The following SMPD3 variants were observed in gnomAD, a reference collection of about 807,000 sequenced individuals.
SMPD3 encodes the protein nSMase-2.
A neutral mutation model predicts 55.7 loss-of-function variants in SMPD3; 21 were observed. That is an observed-to-expected ratio of 0.38 (90% CI 0.27 to 0.54). SMPD3 has a LOEUF of 0.54. Ranked by LOEUF, SMPD3 falls within the 20% of genes least tolerant of loss-of-function variation. The pLI, the probability that SMPD3 is intolerant of heterozygous loss-of-function variation, is 0.80. For synonymous variants in SMPD3, 457 were observed against 404.3 expected, an observed-to-expected ratio of 1.13 and a Z score of -1.56; for missense variants, 842 against 899.6, an observed-to-expected ratio of 0.94 and a Z score of 0.82.
rs894769207 is a variant in SMPD3 at position 68,447,105 on chromosome 16, C to G, written c.-269+1248G>C. Among the ~76,000 whole-genome samples, 2 of 151,912 alleles carry G rather than the reference C, an allele frequency of 1.3e-5. No homozygotes were observed. The highest frequency in any genetic ancestry group is 2.9e-5 in the Non-Finnish European group (2 of 67,932). ...AGCCCCCCCTCCGCGGCCGCGCCCCCCGCCCAGCCCGCGGCGCAGGCCTGC... is the reference window on the plus strand; with the variant it reads ...AGCCCCCCCTCCGCGGCCGCGCCCCGCGCCCAGCCCGCGGCGCAGGCCTGC... On this transcript the variant is annotated intron_variant, in intron 1 of 8. Transcript: ENST00000219334. This position sits in a 1 kb window ranked among gnomAD's most constrained non-coding sequence, Gnocchi z 5.1.
In SMPD3 at chr16:68,426,621, A is replaced by G. The variant is rs576141907; in HGVS notation, c.-269+21732T>C. On this transcript the variant is annotated intron_variant, in intron 1 of 8. Coordinates refer to ENST00000219334, the MANE Select transcript of SMPD3 (RefSeq NM_018667.4). ...AAAAGCTCTTAACAATTGATTTAAA[A>G]TCAATATGGTGTGGAAATAGCACCC... Among the ~76,000 whole-genome samples, 6 of 152,314 alleles carry G rather than the reference A, an allele frequency of 3.9e-5. No individual in the cohort carries two copies. In the South Asian group the frequency reaches 1.2e-3, roughly 32 times the overall value.
rs544454671 is a variant in SMPD3 at position 68,439,341 on chromosome 16, C to T, written c.-269+9012G>A. Among the ~76,000 whole-genome samples, 20 of 152,370 alleles carry T rather than the reference C, an allele frequency of 1.3e-4. No individual in the cohort carries two copies. The South Asian group carries it at 2.9e-3, about 22-fold the overall frequency. On this transcript the variant is annotated intron_variant, in intron 1 of 8. Coordinates refer to ENST00000219334, the MANE Select transcript of SMPD3 (RefSeq NM_018667.4). The stretch of plus-strand genomic sequence containing the variant: ...TATGAGCATCTCTCCTCTCCCCAGC[C>T]AGACCCTGGTCTCCTCCTGGGGAAG...
Position 68,361,764 on chromosome 16 carries a change from C to T in SMPD3, c.1710-5G>A, listed in dbSNP as rs936181761. ...CCCTCCTCACTCTCCAGGACCCTGT[C>T]CACACATGCAGGAGGCAGGTGGGCC... On this transcript the variant is annotated splice_region_variant and splice_polypyrimidine_tract_variant and intron_variant, in intron 7 of 8. Transcript: ENST00000219334. The T allele has an allele frequency of 1.9e-6, 3 of 1,611,768 alleles. No homozygotes were observed.
At chr16:68,434,820 T>C (rs2090508753) in intron 1 of SMPD3, among the ~76,000 whole-genome samples, 1 of 152,238 alleles carries the variant, frequency 6.6e-6, no homozygotes, top group African/African-American at 2.4e-5. Context: ...GCAGCTCTGC[T>C]TATCTCAGCT....
chr16:68,438,432 T>G (rs937480551), intron 1 of SMPD3, among the ~76,000 whole-genome samples: 12 of 152,220 alleles, frequency 7.9e-5, no homozygotes, highest in Non-Finnish European at 1.5e-4. Flanking sequence ...TTTGAGACAC[T>G]TGGTGAGCAC....
At chr16:68,439,520 A>G (rs1182527796) in intron 1 of SMPD3, among the ~76,000 whole-genome samples, 1 of 152,220 alleles carries the variant, frequency 6.6e-6, no homozygotes, top group Non-Finnish European at 1.5e-5. Flanking sequence ...GGGCCTCCCA[A>G]CAGAACCAGA....
chr16:68,391,956 A>T (rs2090114929), intron 1 of SMPD3, among the ~76,000 whole-genome samples: 1 of 152,150 alleles, frequency 6.6e-6, no homozygotes, highest in African/African-American at 2.4e-5. Flanking sequence ...CAGTGGTGCC[A>T]TCTTGGCTCA....
At chr16:68,406,078 T>C (rs915960522) in intron 1 of SMPD3, among the ~76,000 whole-genome samples, 2 of 152,208 alleles carry the variant, frequency 1.3e-5, no homozygotes, top group African/African-American at 4.8e-5. Flanking sequence ...AATGGTCTGA[T>C]GCTACAGCCT....
intron 1 of SMPD3, among the ~76,000 whole-genome samples, chr16:68,400,411 A>G (rs1442579100): frequency 6.6e-6 from 1 of 152,170 alleles, no homozygotes; most frequent in Non-Finnish European, 1.5e-5. Flanking sequence ...ATCCCAGGAA[A>G]TGGACCTAAC....
chr16:68,384,757 G>A (rs930980502), intron 2 of SMPD3, among the ~76,000 whole-genome samples: 4 of 146,934 alleles, frequency 2.7e-5, no homozygotes, highest in African/African-American at 7.5e-5. Context: ...CACTCCCCCC[G>A]CAAGCACTCA....
intron 1 of SMPD3, among the ~76,000 whole-genome samples, chr16:68,427,757 G>GGA (rs1555596591): frequency 1.3e-5 from 2 of 151,832 alleles, no homozygotes; most frequent in Admixed American, 1.3e-4. Context: ...ATGACTGGGG[G>GGA]GGGGTGCTGA....
At chr16:68,366,730 C>G (rs4783555) in intron 3 of SMPD3, among the ~76,000 whole-genome samples, 3 of 152,184 alleles carry the variant, frequency 2.0e-5, no homozygotes, top group African/African-American at 7.2e-5. Flanking sequence ...GCCGGGTGTG[C>G]TGGGCACAGT....
At chr16:68,399,470 G>A (rs1193294696) in intron 1 of SMPD3, among the ~76,000 whole-genome samples, 1 of 152,134 alleles carries the variant, frequency 6.6e-6, no homozygotes, top group Non-Finnish European at 1.5e-5. Context: ...CTGTCCCCAC[G>A]CCCCCAGTAC....
At chr16:68,409,728 G>C (rs527253440) in intron 1 of SMPD3, among the ~76,000 whole-genome samples, 4 of 152,278 alleles carry the variant, frequency 2.6e-5, no homozygotes, top group South Asian at 2.1e-4. Context: ...CGAGTAGCTG[G>C]GACTATAGGC....
intron 5 of SMPD3, chr16:68,364,382 C>G (rs1000463006): frequency 4.0e-6 from 1 of 250,914 alleles, no homozygotes; most frequent in African/African-American, 2.3e-5. Context: ...CAATGCTTCC[C>G]TCTCAGGGTT....
In SMPD3 at chr16:68,370,958, G is replaced by C; in HGVS notation, c.1224C>G (p.Leu408=). Residue 408 remains leucine, a synonymous_variant, in exon 3 of 9, where the codon CTC becomes CTG. Transcript: ENST00000219334. ...CCATGATGGGGTAGCGGCTGGCAAA[G>C]AGGAGGCCGCTGTTGAGACACTTGA... The part of the protein sequence containing the change: ...CSFKCLNSGL[L]FASRYPIMDV... The C allele has an allele frequency of 6.2e-7, 1 of 1,614,034 alleles. No homozygotes were observed. The highest frequency in any genetic ancestry group is 1.7e-4 in the Middle Eastern group (1 of 6,060).
At position 68,441,722 on chromosome 16, in the gene SMPD3, A is replaced by G. The variant is rs536527531; in HGVS notation, c.-269+6631T>C. ...TATAGACAGACATTCTACTTTTCCT[A>G]TTTTTTTCTATTATTTGTTTCTATT... is the stretch of plus-strand genomic sequence containing the variant. On this transcript the variant is annotated intron_variant, in intron 1 of 8. Transcript: ENST00000219334. 1.5e-4 allele frequency among the ~76,000 whole-genome samples: 23 copies of G among 151,942 alleles called. 1 individual carries two copies. The South Asian group carries it at 3.7e-3, about 25-fold the overall frequency.
At position 68,371,100 on chromosome 16, in the gene SMPD3, C is replaced by T; in HGVS notation, c.1082G>A (p.Cys361Tyr). ...TCGCTTGTCAAACACCTCCTGCAGG[C>T]ACAGGAAGTCCAGGTTGGCGGGGAA... ...AFFPANLDFL[C>Y]LQEVFDKRAA... The change falls in exon 3 of 9, where the codon TGC (cysteine) becomes TAC (tyrosine). Residue 361 changes from cysteine to tyrosine, a missense_variant. Transcript: ENST00000219334. 1 of 1,614,166 alleles carries T rather than the reference C, an allele frequency of 6.2e-7. No homozygotes were observed. Among genetic ancestry groups the T allele is most frequent in the Non-Finnish European group, 8.5e-7 (1 of 1,180,042 alleles).
chr16:68,418,109 C>T (rs984115520), intron 1 of SMPD3, among the ~76,000 whole-genome samples: 2 of 152,120 alleles, frequency 1.3e-5, no homozygotes, highest in African/African-American at 4.8e-5. Context: ...GCCCCCACTC[C>T]CTTCCTGTTG....
Sources: allele counts gnomAD v4.1 joint callset (sites outside exome capture counted in the v4.1 genomes callset), GRCh38; gene constraint gnomAD v4.1.1; non-coding constraint Gnocchi (gnomAD v3.1); transcripts MANE v1.5; gene names NCBI Gene and HGNC (gene_info 2026-07-23, HGNC 2026-07-21).